Variants in PCDHGB2 observed in about 807,000 individuals in gnomAD.
The protein encoded by PCDHGB2 is protocadherin gamma subfamily B, 2.
In PCDHGB2, 55 loss-of-function variants were observed where a neutral mutation model predicts 59.3. The observed-to-expected ratio is 0.93, with a 90% CI of 0.75 to 1.16. The LOEUF is 1.16. PCDHGB2 is among the 50% of genes most tolerant of loss of function. PCDHGB2 has a pLI of 0.00. For synonymous variants in PCDHGB2, 516 were observed against 512.0 expected (o/e 1.01, Z -0.11); for missense variants, 1,228 against 1,198.5 (o/e 1.02, Z -0.36).
At chr5:141,373,840 A>T in intron 1 of PCDHGB2, 1 of 434,496 alleles carries the variant, frequency 2.3e-6, no homozygotes, top group Non-Finnish European at 4.1e-6. Context: ...TTAAGTTAGG[A>T]CTCTAAGCGT....
At position 141,362,336 on chromosome 5, in the gene PCDHGB2, A is replaced by T; in HGVS notation, c.2201A>T (p.Lys734Met). Reference protein sequence around the residue: ...WDCFQPGLSSKPGPGVLPNYS... With the variant: ...WDCFQPGLSSMPGPGVLPNYS... ...TGTTTTCAGCCTGGTCTCAGCTCCAAGCCTGGACCTGGGGTTCTCCCCAAT... is the reference window on the plus strand; with the variant it reads ...TGTTTTCAGCCTGGTCTCAGCTCCATGCCTGGACCTGGGGTTCTCCCCAAT... Residue 734 changes from lysine (K) to methionine (M), a missense_variant, in exon 1 of 4, where the codon AAG becomes ATG. Around this residue, in one of 3 missense-constraint regions of PCDHGB2, gnomAD observed 433 missense variants for 441.8 expected, o/e 0.98. Coordinates refer to ENST00000522605, the MANE Select transcript of PCDHGB2 (RefSeq NM_018923.3). 6.2e-7 allele frequency: 1 copy of T among 1,614,052 alleles called. No homozygotes were observed. Among genetic ancestry groups the T allele is most frequent in the Non-Finnish European group, 8.5e-7 (1 of 1,179,900 alleles).
intron 1 of PCDHGB2, among the ~76,000 whole-genome samples, chr5:141,446,150 A>G (rs754792549): frequency 6.6e-6 from 1 of 152,216 alleles, no homozygotes; most frequent in Non-Finnish European, 1.5e-5. Flanking sequence ...GAATAGGTGG[A>G]ATATAAATTT....
chr5:141,362,026 G>A lies in PCDHGB2; in HGVS notation c.1891G>A (p.Ala631Thr). 1 of 1,608,520 alleles carries A rather than the reference G, an allele frequency of 6.2e-7. No homozygotes were observed. The highest frequency in any genetic ancestry group is 8.5e-7 in the Non-Finnish European group (1 of 1,179,174). ...CACGGGTGAGGTGCGCACAGCGCGTGCCTTGGGCGACAGGGACGCGGCCCG... is the reference window on the plus strand; with the variant it reads ...CACGGGTGAGGTGCGCACAGCGCGTACCTTGGGCGACAGGGACGCGGCCCG... ...LRTGEVRTAR[A>T]LGDRDAARQR... Residue 631 changes from alanine to threonine, a missense_variant, in exon 1 of 4, where the codon GCC (alanine) becomes ACC (threonine). By Grantham distance (58) the Ala-to-Thr change is moderately conservative. Coordinates refer to ENST00000522605, the MANE Select transcript of PCDHGB2 (RefSeq NM_018923.3).
chr5:141,484,000 G>C (rs1425172275), intron 1 of PCDHGB2, among the ~76,000 whole-genome samples: 1 of 147,812 alleles, frequency 6.8e-6, no homozygotes, highest in Admixed American at 6.8e-5. Context: ...TGGGAGGTCT[G>C]GATGAGGGTG....
At chr5:141,388,209 G>A in intron 1 of PCDHGB2, 1 of 1,586,286 alleles carries the variant, frequency 6.3e-7, no homozygotes, top group Non-Finnish European at 8.6e-7. Context: ...ATTTGAGGCT[G>A]TTGCTGAAAA....
At position 141,431,392 on chromosome 5, in the gene PCDHGB2, C is replaced by T. The variant is rs572129534; in HGVS notation, c.2422-63415C>T. 3 of 1,613,888 alleles carry T rather than the reference C, an allele frequency of 1.9e-6. No homozygotes were observed. Among genetic ancestry groups the T allele is most frequent in the Non-Finnish European group, 2.5e-6 (3 of 1,180,048 alleles). On this transcript the variant is annotated intron_variant, in intron 1 of 3. Transcript: ENST00000522605. The surrounding 1 kb of genome is among the most constrained non-coding windows in gnomAD (Gnocchi z 4.8). ...AAGAAAAGGCTGCTCACCACCTGGT[C>T]CTTACGGCCTCCGACGGGGGCGACC... is the stretch of plus-strand genomic sequence containing the variant.
At chr5:141,497,129 T>G (rs528066007) in intron 2 of PCDHGB2, among the ~76,000 whole-genome samples, 1 of 151,692 alleles carries the variant, frequency 6.6e-6, no homozygotes, top group Admixed American at 6.6e-5. Flanking sequence ...GAGGTTGCAG[T>G]GAGCTGAGAT....
chr5:141,395,102 G>T (rs766050798), intron 1 of PCDHGB2: 3 of 1,614,172 alleles, frequency 1.9e-6, no homozygotes, highest in South Asian at 1.1e-5. Flanking sequence ...CCGCCGACTC[G>T]CGGAAGAGTC....
intron 3 of PCDHGB2, among the ~76,000 whole-genome samples, chr5:141,509,583 A>G (rs1008344833): frequency 7.2e-5 from 11 of 152,320 alleles, no homozygotes; most frequent in African/African-American, 2.4e-4. Flanking sequence ...CGTACAAATC[A>G]GCTGGCAATT....
At chr5:141,465,768 C>T (rs1414064889) in intron 1 of PCDHGB2, among the ~76,000 whole-genome samples, 1 of 151,916 alleles carries the variant, frequency 6.6e-6, no homozygotes, top group Non-Finnish European at 1.5e-5. Flanking sequence ...CATGTTTCAT[C>T]TCTTGTTACA....
At chr5:141,474,398 C>A (rs1381347745) in intron 1 of PCDHGB2, among the ~76,000 whole-genome samples, 3 of 152,212 alleles carry the variant, frequency 2.0e-5, no homozygotes, top group Non-Finnish European at 4.4e-5. Context: ...TTCTAACAAG[C>A]TCCCCGGTGA....
At chr5:141,372,236 C>T (rs777727544) in intron 1 of PCDHGB2, 44 of 1,613,204 alleles carry the variant, frequency 2.7e-5, no homozygotes, top group Non-Finnish European at 3.6e-5. Flanking sequence ...CCAGCGAGCC[C>T]GGGCTGTTCA....
In PCDHGB2 at chr5:141,371,800, C is replaced by T. The variant is rs770172046; in HGVS notation, c.2421+9244C>T. On this transcript the variant is annotated intron_variant, in intron 1 of 3. Transcript: ENST00000522605. ...GTAGCTGAGAACAATCCGCCTGGAGCCTCCATTGCGCATGTCAGAGCCTCG... is the reference window on the plus strand; with the variant it reads ...GTAGCTGAGAACAATCCGCCTGGAGTCTCCATTGCGCATGTCAGAGCCTCG... 3.7e-6 allele frequency: 6 copies of T among 1,613,760 alleles called. No individual in the cohort carries two copies. In the Admixed American group the frequency reaches 1.0e-4, roughly 27 times the overall value.
In PCDHGB2 at chr5:141,394,620, T is replaced by C. The variant is rs775736772; in HGVS notation, c.2421+32064T>C. The C allele has an allele frequency of 8.1e-6, 13 of 1,613,124 alleles. 1 individual carries two copies. In the South Asian group the frequency reaches 1.4e-4, roughly 18 times the overall value. ...GGACAGAGACTCGGGCCAGAACGCC[T>C]GGCTGTCCTACCGCCTGCTCAAGGC... On this transcript the variant is annotated intron_variant, in intron 1 of 3. Coordinates refer to ENST00000522605, the MANE Select transcript of PCDHGB2 (RefSeq NM_018923.3).
At position 141,375,555 on chromosome 5, in the gene PCDHGB2, T is replaced by G. The variant is rs535412919; in HGVS notation, c.2421+12999T>G. 50 of 1,614,076 alleles carry G rather than the reference T, an allele frequency of 3.1e-5. No homozygotes were observed. In the Admixed American group the frequency reaches 5.5e-4, roughly 18 times the overall value. On this transcript the variant is annotated intron_variant, in intron 1 of 3. Transcript: ENST00000522605. ...CAGAACGCCCAAGTCTCCTACTCAC[T>G]GGCAGAAGACACCCTCCAGGGGGCG... is the stretch of plus-strand genomic sequence containing the variant.
At position 141,431,896 on chromosome 5, in the gene PCDHGB2, C is replaced by A. The variant is rs1292629023; in HGVS notation, c.2422-62911C>A. The A allele has an allele frequency of 6.2e-7, 1 of 1,613,940 alleles. No homozygotes were observed. The highest frequency in any genetic ancestry group is 1.3e-5 in the African/African-American group (1 of 74,924). On this transcript the variant is annotated intron_variant, in intron 1 of 3. Coordinates refer to ENST00000522605, the MANE Select transcript of PCDHGB2 (RefSeq NM_018923.3). This position sits in a 1 kb window ranked among gnomAD's most constrained non-coding sequence, Gnocchi z 4.8. Reference sequence around the variant, plus strand: ...TAAATGACCAAGATTCTGAGGAAAACGGACAGGTGATCTGTTTCATCCAAG... The same window carrying A: ...TAAATGACCAAGATTCTGAGGAAAAAGGACAGGTGATCTGTTTCATCCAAG...
chr5:141,496,984 G>C (rs938752499), intron 2 of PCDHGB2, among the ~76,000 whole-genome samples: 1 of 151,896 alleles, frequency 6.6e-6, no homozygotes, highest in Admixed American at 6.6e-5. Context: ...TCAGGGGTTT[G>C]AGACCAGCCT....
intron 1 of PCDHGB2, chr5:141,422,851 C>A (rs1459531183): frequency 1.2e-6 from 2 of 1,614,122 alleles, no homozygotes; most frequent in African/African-American, 1.3e-5. Flanking sequence ...CGGGGACCCG[C>A]CCCTCAGCAG....
rs2099394683 is a variant in PCDHGB2, at chr5:141,476,602, C to G, written c.2422-18205C>G. 2.5e-6 allele frequency: 4 copies of G among 1,614,208 alleles called. No individual in the cohort carries two copies. The highest frequency in any genetic ancestry group is 2.2e-5 in the East Asian group (1 of 44,862). Reference sequence around the variant, plus strand: ...TTCCGCTCGAGAGCGCGCACGATCCCGATGTGGGAAGCAACTCTTTACAAA... The same window carrying G: ...TTCCGCTCGAGAGCGCGCACGATCCGGATGTGGGAAGCAACTCTTTACAAA... On this transcript the variant is annotated intron_variant, in intron 1 of 3. Transcript: ENST00000522605. This position sits in a 1 kb window ranked among gnomAD's most constrained non-coding sequence, Gnocchi z 7.6.
Sources: gnomAD v4.1 joint callset for allele counts (sites outside exome capture counted in the v4.1 genomes callset) on GRCh38, gnomAD v4.1.1 for gene constraint, gnomAD v4.1.1 regional missense constraint, Gnocchi (gnomAD v3.1) non-coding constraint, MANE v1.5 for transcripts, NCBI Gene and HGNC (gene_info 2026-07-23, HGNC 2026-07-21) for gene names.